ASIC2: variants seen among roughly 807,000 people sequenced by gnomAD.
The protein encoded by ASIC2 is acid-sensing ion channel 2.
ASIC2 carries 25 observed loss-of-function variants against 57.3 expected under a neutral mutation model. That is an observed-to-expected ratio of 0.44 (90% CI 0.32 to 0.61). The LOEUF (loss-of-function observed/expected upper bound fraction) is 0.61, where lower values mean the gene tolerates loss of function less well. Among genes scored for constraint, ASIC2 ranks in the 20% least tolerant of loss-of-function variants. ASIC2 has a pLI of 0.06. For missense variants in ASIC2, 641 were observed against 738.1 expected (o/e 0.87, Z 1.52); for synonymous variants, 319 against 307.5 (o/e 1.04, Z -0.39).
At chr17:33,032,440 GTTTTTTTTTTT>G (rs60183644) in intron 3 of ASIC2, among the ~76,000 whole-genome samples, 1,052 of 94,108 alleles carry the variant, frequency 0.011, 19 homozygotes, top group African/African-American at 0.033. Context: ...ATAATACACT[GTTTTTTTTTTT>G]TTTTTTTTTT....
intron 3 of ASIC2, among the ~76,000 whole-genome samples, chr17:33,069,412 A>G (rs1048758681): frequency 2.0e-5 from 3 of 152,112 alleles, no homozygotes; most frequent in Non-Finnish European, 4.4e-5. Context: ...TACTTGTCCT[A>G]TCAATTATTG....
chr17:33,766,348 A>G (rs184929034), intron 1 of ASIC2, among the ~76,000 whole-genome samples: 1 of 152,300 alleles, frequency 6.6e-6, no homozygotes, highest in Admixed American at 6.5e-5. Context: ...TTTGGAATGT[A>G]TCCCCTACAG....
chr17:33,292,166 C>T lies in ASIC2; in HGVS notation c.-51G>A. Reference sequence around the variant, plus strand: ...CGGCGGCGGCCCCGGCCGGGCGGAGCCGCCATGGGAGTCCGCAGCAGCAGT... The same window carrying T: ...CGGCGGCGGCCCCGGCCGGGCGGAGTCGCCATGGGAGTCCGCAGCAGCAGT... On this transcript the variant is annotated 5_prime_UTR_variant, in exon 1 of 10. Transcript: ENST00000225823. The T allele has an allele frequency of 2.0e-6, 2 of 1,020,900 alleles. No individual in the cohort carries two copies. The highest frequency in any genetic ancestry group is 2.3e-6 in the Non-Finnish European group (2 of 855,242). The allele number at this position is 1,020,900 out of a possible 1,614,324, so 63.2% of individuals were successfully genotyped here.
chr17:33,079,658 T>C (rs574774822), intron 3 of ASIC2, among the ~76,000 whole-genome samples: 1 of 152,222 alleles, frequency 6.6e-6, no homozygotes, highest in African/African-American at 2.4e-5. Context: ...GCAGTTGTTG[T>C]TCTTATCTGG....
intron 1 of ASIC2, among the ~76,000 whole-genome samples, chr17:33,512,609 G>T (rs1914460239): frequency 6.6e-6 from 1 of 152,110 alleles, no homozygotes; most frequent in South Asian, 2.1e-4. Context: ...AGAGACCAGG[G>T]AAAAGACCCT....
At chr17:33,825,956 A>G (rs1470371693) in intron 1 of ASIC2, among the ~76,000 whole-genome samples, 2 of 152,236 alleles carry the variant, frequency 1.3e-5, no homozygotes, top group Admixed American at 6.5e-5. Context: ...TAATTCAGGA[A>G]GTCATTCATG....
chr17:34,095,372 C>G (rs1910479926), intron 1 of ASIC2, among the ~76,000 whole-genome samples: 1 of 152,026 alleles, frequency 6.6e-6, no homozygotes, highest in Non-Finnish European at 1.5e-5. Flanking sequence ...CCATCAAAGA[C>G]AGGCTGGTGG....
chr17:33,825,886 AT>A lies in ASIC2; in HGVS notation c.555+330091del, dbSNP rs1223640746. 3.3e-5 allele frequency among the ~76,000 whole-genome samples: 5 copies of A among 152,206 alleles called. No homozygotes were observed. The East Asian group carries it at 9.6e-4, about 29-fold the overall frequency. On this transcript the variant is annotated intron_variant, in intron 1 of 9. Coordinates refer to the ASIC2 transcript ENST00000359872. ...AAGATATATAAGATAAATTTTAGTT[AT>A]TTTTTCTACTTTAGTAATAGATATA...
At chr17:33,448,508 C>T (rs536002283) in intron 1 of ASIC2, among the ~76,000 whole-genome samples, 21 of 152,278 alleles carry the variant, frequency 1.4e-4, no homozygotes, top group African/African-American at 4.6e-4. Flanking sequence ...GGAGATTACG[C>T]ACTCAGAGGA....
At chr17:34,100,468 T>C (rs1910824055) in intron 1 of ASIC2, among the ~76,000 whole-genome samples, 1 of 152,186 alleles carries the variant, frequency 6.6e-6, no homozygotes. Flanking sequence ...TTGTATTCAT[T>C]CCGCTTGGCA....
At chr17:33,487,808 C>T (rs1913623971) in intron 1 of ASIC2, among the ~76,000 whole-genome samples, 1 of 152,164 alleles carries the variant, frequency 6.6e-6, no homozygotes, top group Non-Finnish European at 1.5e-5. Context: ...TGCTTCCTGC[C>T]CTAGAACATC....
At chr17:33,775,580 C>T (rs1911244522) in intron 1 of ASIC2, among the ~76,000 whole-genome samples, 1 of 152,038 alleles carries the variant, frequency 6.6e-6, no homozygotes, top group African/African-American at 2.4e-5. Context: ...AGCAGGGTCC[C>T]ATAGTGTGCA....
rs184921549 is a variant in ASIC2, at chr17:33,375,611, C to T, written c.556-263544G>A. Among the ~76,000 whole-genome samples the T allele has an allele frequency of 1.8e-3, 277 of 152,190 alleles. 3 individuals are homozygous for T. The highest frequency in any genetic ancestry group is 6.3e-3 in the African/African-American group (260 of 41,516). Reference sequence around the variant, plus strand: ...ACAGGGGCTGACAGTGGACTGACTACCGGGACTGCAAGGGAAGAAGCAGAC... The same window carrying T: ...ACAGGGGCTGACAGTGGACTGACTATCGGGACTGCAAGGGAAGAAGCAGAC... On this transcript the variant is annotated intron_variant, in intron 1 of 9. Transcript: ENST00000359872.
intron 1 of ASIC2, among the ~76,000 whole-genome samples, chr17:33,876,331 C>A (rs1346443942): frequency 6.6e-6 from 1 of 152,188 alleles, no homozygotes; most frequent in African/African-American, 2.4e-5. Flanking sequence ...ACTCTCCAGA[C>A]CTTGTTACTG....
At chr17:33,161,703 T>C (rs1905163989) in intron 1 of ASIC2, among the ~76,000 whole-genome samples, 2 of 152,136 alleles carry the variant, frequency 1.3e-5, no homozygotes, top group Non-Finnish European at 2.9e-5. Context: ...AACAAATATC[T>C]TTTACCATCT....
intron 1 of ASIC2, among the ~76,000 whole-genome samples, chr17:33,865,759 TAAA>T (rs61218521): frequency 8.2e-6 from 1 of 122,108 alleles, no homozygotes; most frequent in African/African-American, 3.1e-5. Flanking sequence ...AAAAAAAAAA[TAAA>T]AAAAAAAAAC....
chr17:33,185,701 C>A (rs949483007), intron 1 of ASIC2, among the ~76,000 whole-genome samples: 2 of 152,188 alleles, frequency 1.3e-5, no homozygotes, highest in Admixed American at 1.3e-4. Context: ...TCCCTTCATT[C>A]TTCATGGAGT....
chr17:33,934,175 T>G (rs1916007145), intron 1 of ASIC2, among the ~76,000 whole-genome samples: 1 of 152,198 alleles, frequency 6.6e-6, no homozygotes, highest in African/African-American at 2.4e-5. Flanking sequence ...TCGGCAGGCC[T>G]GCCCTGTGAT....
Position 34,156,023 on chromosome 17 carries a change from GT to G in ASIC2, c.509del (p.Tyr170SerfsTer75), listed in dbSNP as rs1212079149. The G allele has an allele frequency of 6.2e-7, 1 of 1,613,738 alleles. No individual in the cohort carries two copies. Among genetic ancestry groups the G allele is most frequent in the Non-Finnish European group, 8.5e-7 (1 of 1,179,938 alleles). Reference sequence around the variant, plus strand: ...CGCACTCCTGCCCTTTGAACTTGCAGTAGAGCATCATATCCTTCAGGTCATG... The same window carrying G: ...CGCACTCCTGCCCTTTGAACTTGCAGAGAGCATCATATCCTTCAGGTCATG... On this transcript the variant is annotated frameshift_variant, in exon 1 of 10. Transcript: ENST00000359872. LOFTEE classifies it high-confidence loss of function. The surrounding 1 kb of genome is among the most constrained non-coding windows in gnomAD (Gnocchi z 4.4).
Sources: allele counts gnomAD v4.1 joint callset (sites outside exome capture counted in the v4.1 genomes callset), GRCh38; gene constraint gnomAD v4.1.1; non-coding constraint Gnocchi (gnomAD v3.1); transcripts MANE v1.5; gene names NCBI Gene and HGNC (gene_info 2026-07-23, HGNC 2026-07-21).